The following PCSK5 variants were observed in gnomAD, a reference collection of about 807,000 sequenced individuals.
The protein encoded by PCSK5 is proprotein convertase subtilisin/kexin type 5, also known as prohormone convertase 5.
Under a neutral mutation model 233.2 loss-of-function variants are expected in PCSK5, and 129 were observed. The observed-to-expected ratio is 0.55, with a 90% CI of 0.48 to 0.64. The LOEUF (loss-of-function observed/expected upper bound fraction) is 0.64. Ranked by LOEUF, PCSK5 falls within the 30% of genes least tolerant of loss-of-function variation. The pLI is 0.00. For missense variants in PCSK5, 2,076 were observed against 2,430.1 expected (o/e 0.85, Z 3.06); for synonymous variants, 825 against 879.2 (o/e 0.94, Z 1.09).
intron 1 of PCSK5, among the ~76,000 whole-genome samples, chr9:75,897,615 T>A (rs899228449): frequency 1.3e-5 from 2 of 148,192 alleles, no homozygotes; most frequent in Admixed American, 6.8e-5. Flanking sequence ...TGCCTCAGCC[T>A]CCCTAGGAAC....
intron 3 of PCSK5, among the ~76,000 whole-genome samples, chr9:75,995,910 A>G (rs1444639098): frequency 1.3e-5 from 2 of 152,086 alleles, no homozygotes; most frequent in African/African-American, 4.8e-5. Context: ...ATGGGTAGTA[A>G]TCATAATTTT....
At chr9:76,200,668 T>C (rs1366242996) in intron 20 of PCSK5, among the ~76,000 whole-genome samples, 8 of 152,134 alleles carry the variant, frequency 5.3e-5, no homozygotes, top group Admixed American at 1.3e-4. Flanking sequence ...AAGAAGGTTA[T>C]GATGTTTAAG....
intron 24 of PCSK5, among the ~76,000 whole-genome samples, chr9:76,273,664 T>G (rs1040060188): frequency 6.7e-6 from 1 of 149,942 alleles, no homozygotes; most frequent in African/African-American, 2.4e-5. Flanking sequence ...AGACAGTATA[T>G]CTCTGTCACC....
chr9:75,897,494 T>C (rs1414951845), intron 1 of PCSK5, among the ~76,000 whole-genome samples: 1 of 143,982 alleles, frequency 6.9e-6, no homozygotes, highest in Non-Finnish European at 1.5e-5. Context: ...CTTTTCTTTT[T>C]TTTTTTTTTT....
intron 2 of PCSK5, among the ~76,000 whole-genome samples, chr9:75,984,097 T>C (rs570984833): frequency 6.6e-6 from 1 of 152,322 alleles, no homozygotes; most frequent in African/African-American, 2.4e-5. Context: ...CTAAGTCCTG[T>C]AACTAAGCAT....
Position 76,137,015 on chromosome 9 carries a change from C to T in PCSK5, c.1312+2803C>T, listed in dbSNP as rs138704989. ...ATTTCTTCAGACATACCCCCATGTC[C>T]TACATCCTAGGCAGACAGCAGGGCT... On this transcript the variant is annotated intron_variant, in intron 10 of 37. Transcript: ENST00000674117. Among the ~76,000 whole-genome samples, 839 of 152,212 alleles carry T rather than the reference C, an allele frequency of 5.5e-3. 6 individuals are homozygous for T. Among genetic ancestry groups the T allele is most frequent in the African/African-American group, 0.018 (737 of 41,548 alleles).
intron 28 of PCSK5, 78 bp downstream of exon 28, chr9:76,302,295 C>A: frequency 1.5e-6 from 1 of 670,782 alleles, no homozygotes; most frequent in South Asian, 1.8e-5. Context: ...GAAATCACCC[C>A]AAGAAGCTGG....
intron 7 of PCSK5, among the ~76,000 whole-genome samples, chr9:76,085,398 C>T (rs1026890977): frequency 6.6e-5 from 10 of 152,310 alleles, no homozygotes; most frequent in South Asian, 2.1e-4. Flanking sequence ...AAATTATCAG[C>T]GCTTCTCTTT....
At chr9:76,285,003 TA>T (rs751416818) in intron 24 of PCSK5, among the ~76,000 whole-genome samples, 35 of 152,220 alleles carry the variant, frequency 2.3e-4, no homozygotes, top group Non-Finnish European at 4.7e-4. Context: ...ATAAATGTTA[TA>T]TTTTCTAACA....
chr9:75,918,714 TATTTC>T (rs1025718611), intron 1 of PCSK5, among the ~76,000 whole-genome samples: 62 of 152,338 alleles, frequency 4.1e-4, no homozygotes, highest in African/African-American at 1.2e-3. Context: ...AATGCTGAAA[TATTTC>T]ATTTATTTCA....
chr9:76,141,927 A>G (rs1362248593), intron 10 of PCSK5, among the ~76,000 whole-genome samples: 1 of 152,074 alleles, frequency 6.6e-6, no homozygotes, highest in Non-Finnish European at 1.5e-5. Flanking sequence ...GAGCTAAATG[A>G]TGAGAACTCG....
intron 10 of PCSK5, among the ~76,000 whole-genome samples, chr9:76,142,536 T>C (rs1396391802): frequency 6.6e-6 from 1 of 152,000 alleles, no homozygotes; most frequent in Non-Finnish European, 1.5e-5. Context: ...ATGAGGAAAA[T>C]TGTATCATAT....
chr9:76,190,506 A>C (rs1373667253), intron 20 of PCSK5, among the ~76,000 whole-genome samples: 2 of 152,178 alleles, frequency 1.3e-5, no homozygotes, highest in Admixed American at 1.3e-4. Flanking sequence ...TGCACTAAGG[A>C]TTAGGCATAA....
chr9:76,159,283 G>T lies in PCSK5; in HGVS notation c.1619+112G>T, dbSNP rs1587700192. 3 of 912,572 alleles carry T rather than the reference G, an allele frequency of 3.3e-6. No homozygotes were observed. In the East Asian group the frequency reaches 7.9e-5, roughly 24 times the overall value. 56.5% of individuals were successfully genotyped at this position (912,572 alleles called of 1,614,324 possible). On this transcript the variant is annotated intron_variant, in intron 12 of 37. Transcript: ENST00000674117. ...ACCTAACCTGGGAACCAGCAGAGGG[G>T]GTGCTTAGATGTCAGGATCTCACTG...
At chr9:76,044,177 G>A (rs1330608757) in intron 5 of PCSK5, among the ~76,000 whole-genome samples, 3 of 152,094 alleles carry the variant, frequency 2.0e-5, no homozygotes, top group Admixed American at 6.5e-5. Context: ...TTAGACCAAC[G>A]TAAGGAACAA....
In PCSK5 at chr9:76,290,654, C is replaced by T. The variant is rs551025604; in HGVS notation, c.3143-1579C>T. On this transcript the variant is annotated intron_variant, in intron 24 of 37. Transcript: ENST00000674117. ...TAAGACAATTACAGACACCTGTGTC[C>T]CCTAGCAAAGATGAGCATGACCAAG... Among the ~76,000 whole-genome samples the T allele has an allele frequency of 5.9e-5, 9 of 152,292 alleles. No individual in the cohort carries two copies. In the South Asian group the frequency reaches 1.9e-3, roughly 32 times the overall value.
intron 2 of PCSK5, among the ~76,000 whole-genome samples, chr9:75,933,789 C>A (rs533435354): frequency 6.6e-6 from 1 of 152,266 alleles, no homozygotes; most frequent in Admixed American, 6.5e-5. Flanking sequence ...GAAAGGCAGT[C>A]CATTTGGGAC....
rs370286991 is a variant in PCSK5 at position 76,096,018 on chromosome 9, C to T, written c.1023C>T (p.Ser341=). The T allele has an allele frequency of 2.2e-5, 35 of 1,614,000 alleles. No homozygotes were observed. Among genetic ancestry groups the T allele is most frequent in the East Asian group, 8.9e-5 (4 of 44,890 alleles). ...TCTCCATCAGCAGCACTGCAGAAAG[C>T]GGAAAGAAACCTTGGTACCTGGAAG... ...YTISISSTAE[S]GKKPWYLEEC... Residue 341 remains serine, a synonymous_variant, in exon 8 of 38, where the codon AGC becomes AGT. Transcript: ENST00000674117.
chr9:75,891,127 G>C lies in PCSK5; in HGVS notation c.-55G>C. 1.4e-6 allele frequency: 2 copies of C among 1,395,338 alleles called. No homozygotes were observed. Among genetic ancestry groups the C allele is most frequent in the South Asian group, 1.7e-5 (1 of 58,336 alleles). The allele number at this position is 1,395,338 out of a possible 1,614,324, so 86.4% of individuals were successfully genotyped here. On this transcript the variant is annotated 5_prime_UTR_variant, in exon 1 of 38. Coordinates refer to ENST00000674117, the MANE Select transcript of PCSK5 (RefSeq NM_001372043.1). The stretch of plus-strand genomic sequence containing the variant: ...CAGGCCGGAGAAGTTAGTTGTGCGC[G>C]CCCTTAGTGCGCGGAACCAGCCAGC...
Sources: allele counts gnomAD v4.1 joint callset (sites outside exome capture counted in the v4.1 genomes callset), GRCh38; gene constraint gnomAD v4.1.1; transcripts MANE v1.5; gene names NCBI Gene and HGNC (gene_info 2026-07-23, HGNC 2026-07-21).